Variants in IRF4 observed in about 807,000 individuals in gnomAD.
The protein encoded by IRF4 is interferon regulatory factor 4.
Under a neutral mutation model 55.5 loss-of-function variants are expected in IRF4, and 13 were observed. The ratio of observed to expected loss-of-function variants is 0.23; its 90% confidence interval spans 0.15 to 0.37. The LOEUF (loss-of-function observed/expected upper bound fraction) is 0.37, where lower values mean the gene tolerates loss of function less well. IRF4 is among the 10% of genes least tolerant of loss of function. IRF4 has a pLI of 1.00. For synonymous variants in IRF4, 249 were observed against 240.7 expected, an observed-to-expected ratio of 1.03 and a Z score of -0.32; for missense variants, 397 against 593.8, an observed-to-expected ratio of 0.67 and a Z score of 3.44.
intron 1 of IRF4, among the ~76,000 whole-genome samples, chr6:392,424 G>A (rs1761130123): frequency 1.3e-5 from 2 of 152,378 alleles, no homozygotes; most frequent in African/African-American, 2.4e-5. Context: ...TCCCGGGCCT[G>A]CTCCGGGGTC....
rs375268981 is a variant in IRF4 at position 397,105 on chromosome 6, T to C, written c.493-3T>C. 6.2e-6 allele frequency: 10 copies of C among 1,614,074 alleles called. No individual in the cohort carries two copies. In the East Asian group the frequency reaches 1.1e-4, roughly 18 times the overall value. On this transcript the variant is annotated splice_region_variant and splice_polypyrimidine_tract_variant and intron_variant, in intron 4 of 8. Coordinates refer to ENST00000380956, the MANE Select transcript of IRF4 (RefSeq NM_002460.4). Reference sequence around the variant, plus strand: ...TATCTCAGCCTCTCCTGCACTCCTTTAGCAGGTTCACAACTACATGATGCC... The same window carrying C: ...TATCTCAGCCTCTCCTGCACTCCTTCAGCAGGTTCACAACTACATGATGCC...
chr6:393,162 G>A lies in IRF4; in HGVS notation c.10G>A (p.Glu4Lys). 3 of 1,550,482 alleles carry A rather than the reference G, an allele frequency of 1.9e-6. No individual in the cohort carries two copies. The highest frequency in any genetic ancestry group is 2.6e-6 in the Non-Finnish European group (3 of 1,146,742). ...GGACGGCACGCGGGGCATGAACCTG[G>A]AGGGCGGCGGCCGAGGCGGAGAGTT... MNL[E>K]GGGRGGEFGM... Residue 4 changes from glutamate to lysine, a missense_variant, in exon 2 of 9, where the codon GAG becomes AAG. Transcript: ENST00000380956. The surrounding 1 kb of genome is among the most constrained non-coding windows in gnomAD (Gnocchi z 5.4).
rs1017665400 is a variant in IRF4 at position 407,923 on chromosome 6, C to T, written c.*325C>T. Reference sequence around the variant, plus strand: ...TCAGTTCAGCGGTTGAGGAGAATTGCGGCGAGACAAGCATGGAAAATCAGT... The same window carrying T: ...TCAGTTCAGCGGTTGAGGAGAATTGTGGCGAGACAAGCATGGAAAATCAGT... On this transcript the variant is annotated 3_prime_UTR_variant, in exon 9 of 9. Transcript: ENST00000380956. 3.1e-5 allele frequency: 10 copies of T among 318,884 alleles called. No homozygotes were observed. The highest frequency in any genetic ancestry group is 2.9e-5 in the Non-Finnish European group (5 of 173,586). The allele number at this position is 318,884 out of a possible 1,614,324, so 19.8% of individuals were successfully genotyped here.
At chr6:395,514 C>G (rs1761229072) in intron 3 of IRF4, among the ~76,000 whole-genome samples, 1 of 152,156 alleles carries the variant, frequency 6.6e-6, no homozygotes, top group Admixed American at 6.5e-5. Context: ...TGGAAGAGAG[C>G]TCAGGAATCT....
At chr6:406,979 G>A in intron 8 of IRF4, 1 of 864,058 alleles carries the variant, frequency 1.2e-6, no homozygotes, top group Non-Finnish European at 1.4e-6. Context: ...TAGTAGTTTT[G>A]TTGTTGTTTA....
In IRF4 at chr6:411,000, T is replaced by A. The variant is rs1561723844; in HGVS notation, c.*3402T>A. Reference sequence around the variant, plus strand: ...ACAGGAATGAAGTAAAGGTCAGTTTTTTTTTGTATTGATTTTCACAGCTTT... The same window carrying A: ...ACAGGAATGAAGTAAAGGTCAGTTTATTTTTGTATTGATTTTCACAGCTTT... On this transcript the variant is annotated 3_prime_UTR_variant, in exon 9 of 9. Transcript: ENST00000380956. The A allele has an allele frequency of 4.3e-6, 1 of 232,612 alleles. No homozygotes were observed. The highest frequency in any genetic ancestry group is 8.5e-6 in the Non-Finnish European group (1 of 117,600). The allele number at this position is 232,612 out of a possible 1,614,324, so 14.4% of individuals were successfully genotyped here.
chr6:394,798 T>C, intron 2 of IRF4, 23 bp from the exon 3 acceptor site: 1 of 1,600,780 alleles, frequency 6.2e-7, no homozygotes, highest in East Asian at 2.2e-5. Context: ...TGACTTTTCG[T>C]TCTCTTCATT....
chr6:406,533 C>T (rs911433065), intron 8 of IRF4, among the ~76,000 whole-genome samples: 2 of 145,532 alleles, frequency 1.4e-5, no homozygotes, highest in South Asian at 2.3e-4. Context: ...CAGAGTGAGA[C>T]TCTGTCTCAA....
In IRF4 at chr6:393,200, G is replaced by C. The variant is rs915113320; in HGVS notation, c.48G>C (p.Ala16=). The change falls in exon 2 of 9, where the codon GCG becomes GCC. Residue 16 remains alanine (A), a synonymous_variant. Coordinates refer to ENST00000380956, the MANE Select transcript of IRF4 (RefSeq NM_002460.4). This position sits in a 1 kb window ranked among gnomAD's most constrained non-coding sequence, Gnocchi z 5.4. ...GGRGGEFGMS[A]VSCGNGKLRQ... ...GAGGCGGAGAGTTCGGCATGAGCGC[G>C]GTGAGCTGCGGCAACGGGAAGCTCC... 6.4e-7 allele frequency: 1 copy of C among 1,557,666 alleles called. No individual in the cohort carries two copies.
At chr6:406,309 T>C (rs745855234) in intron 8 of IRF4, among the ~76,000 whole-genome samples, 47 of 152,362 alleles carry the variant, frequency 3.1e-4, no homozygotes, top group South Asian at 1.7e-3. Context: ...TTTGGGAGGC[T>C]GAGGCGGGCA....
rs368943909 is a variant in IRF4, at chr6:403,304, G to A, written c.1099+1527G>A. On this transcript the variant is annotated intron_variant, in intron 7 of 8. Coordinates refer to ENST00000380956, the MANE Select transcript of IRF4 (RefSeq NM_002460.4). ...TCAGCATCTCCTGTGTCTGCCTTGG[G>A]ATCTGGAAGAGCTCACATGGGCCAG... Among the ~76,000 whole-genome samples, 5 of 152,278 alleles carry A rather than the reference G, an allele frequency of 3.3e-5. No homozygotes were observed. The East Asian group carries it at 9.6e-4, about 29-fold the overall frequency.
intron 7 of IRF4, among the ~76,000 whole-genome samples, 172 bp from the exon 8 acceptor site, chr6:404,846 C>G (rs1761502971): frequency 6.6e-6 from 1 of 152,224 alleles, no homozygotes; most frequent in Non-Finnish European, 1.5e-5. Context: ...GGAATGCATA[C>G]ATGCTATTTT....
chr6:400,038 G>A (rs1416459135), intron 6 of IRF4, among the ~76,000 whole-genome samples: 1 of 152,120 alleles, frequency 6.6e-6, no homozygotes, highest in Non-Finnish European at 1.5e-5. Flanking sequence ...TAAATGAAAT[G>A]AAACCTGCCC....
At chr6:391,891 C>A in intron 1 of IRF4, 82 bp downstream of exon 1, 1 of 451,954 alleles carries the variant, frequency 2.2e-6, no homozygotes, top group East Asian at 7.0e-5. Flanking sequence ...GGTTCGACCT[C>A]CAGGGCAGCG....
At chr6:406,764 A>G in intron 8 of IRF4, 2 of 1,178,796 alleles carry the variant, frequency 1.7e-6, no homozygotes, top group African/African-American at 1.6e-5. Context: ...AATTCATTTC[A>G]GGTACTTAGG....
At chr6:406,914 C>T (rs990149468) in intron 8 of IRF4, 40 of 1,054,954 alleles carry the variant, frequency 3.8e-5, no homozygotes, top group South Asian at 3.0e-4. Flanking sequence ...GTGTGATCCA[C>T]GCTAATAACC....
intron 4 of IRF4, 51 bp downstream of exon 4, chr6:395,986 T>C: frequency 7.0e-7 from 1 of 1,423,090 alleles, no homozygotes; most frequent in African/African-American, 1.4e-5. Context: ...GTGGGCCAGC[T>C]GCCCACATGG....
Position 393,735 on chromosome 6 carries a change from C to T in IRF4, c.216+367C>T, listed in dbSNP as rs1410731937. ...CGGGCTCCCGTCTGCCGCCTCCGTC[C>T]GTGGGTCCCCCTCGCCCTCTCCGTG... On this transcript the variant is annotated intron_variant, in intron 2 of 8. Transcript: ENST00000380956. The surrounding 1 kb of genome is among the most constrained non-coding windows in gnomAD (Gnocchi z 5.4). 6.6e-6 allele frequency among the ~76,000 whole-genome samples: 1 copy of T among 152,224 alleles called. No homozygotes were observed. Among genetic ancestry groups the T allele is most frequent in the East Asian group, 1.9e-4 (1 of 5,182 alleles).
chr6:396,366 G>A (rs1049314650), intron 4 of IRF4, among the ~76,000 whole-genome samples: 8 of 152,332 alleles, frequency 5.3e-5, no homozygotes, highest in African/African-American at 1.2e-4. Flanking sequence ...GCCATATGAC[G>A]AAGCTTTACA....
Sources: allele counts gnomAD v4.1 joint callset (sites outside exome capture counted in the v4.1 genomes callset), GRCh38; gene constraint gnomAD v4.1.1; non-coding constraint Gnocchi (gnomAD v3.1); transcripts MANE v1.5; gene names NCBI Gene and HGNC (gene_info 2026-07-23, HGNC 2026-07-21).